NPAS3: variants seen among roughly 807,000 people sequenced by gnomAD.
The protein encoded by NPAS3 is neuronal PAS domain protein 3.
NPAS3 carries 14 observed loss-of-function variants against 73.1 expected under a neutral mutation model. The ratio of observed to expected loss-of-function variants is 0.19; its 90% confidence interval spans 0.13 to 0.30. The LOEUF is 0.30. Among genes scored for constraint, NPAS3 ranks in the 10% least tolerant of loss-of-function variants. The pLI, the probability that NPAS3 is intolerant of heterozygous loss-of-function variation, is 1.00. For missense variants in NPAS3, 1,096 were observed against 1,250.0 expected (o/e 0.88, Z 1.86); for synonymous variants, 620 against 541.5 (o/e 1.14, Z -2.01).
At chr14:33,792,071 T>C (rs537761765) in intron 9 of NPAS3, among the ~76,000 whole-genome samples, 2 of 152,308 alleles carry the variant, frequency 1.3e-5, no homozygotes, top group East Asian at 3.9e-4. Context: ...GCACATCTTG[T>C]TGCATGCAAC....
At position 33,372,722 on chromosome 14, in the gene NPAS3, T is replaced by A. The variant is rs947007928; in HGVS notation, c.468+5454T>A. On this transcript the variant is annotated intron_variant, in intron 4 of 11. Coordinates refer to ENST00000356141, the Ensembl canonical transcript of NPAS3. ...GCAGGGCTGTGAATCCCAGCCCTAG[T>A]GGGCCTGAATCAAGGCATTATAGTT... Among the ~76,000 whole-genome samples the A allele has an allele frequency of 6.6e-5, 10 of 152,222 alleles. 1 individual carries two copies. Among genetic ancestry groups the A allele is most frequent in the African/African-American group, 2.4e-4 (10 of 41,468 alleles).
intron 5 of NPAS3, among the ~76,000 whole-genome samples, chr14:33,649,463 T>TAACAA (rs1194194653): frequency 6.6e-6 from 1 of 152,268 alleles, no homozygotes; most frequent in African/African-American, 2.4e-5. Flanking sequence ...GTAACAAATG[T>TAACAA]ATAAAAGATG....
At chr14:33,185,464 A>C (rs908005101) in intron 2 of NPAS3, among the ~76,000 whole-genome samples, 6 of 152,202 alleles carry the variant, frequency 3.9e-5, no homozygotes, top group African/African-American at 1.4e-4. Context: ...AAACCGAATC[A>C]TGCTTTCCAA....
intron 2 of NPAS3, among the ~76,000 whole-genome samples, chr14:33,095,700 G>A (rs1017665467): frequency 1.6e-5 from 2 of 122,800 alleles, no homozygotes; most frequent in African/African-American, 6.4e-5. Flanking sequence ...AGGGAGTCTC[G>A]CTCTGTCGCC....
chr14:33,170,570 A>G (rs2045352302), intron 2 of NPAS3, among the ~76,000 whole-genome samples: 2 of 152,376 alleles, frequency 1.3e-5, no homozygotes, highest in South Asian at 4.1e-4. Context: ...AACTTCTATC[A>G]AAATTGTAGG....
chr14:33,233,447 A>C (rs948193325), intron 3 of NPAS3, among the ~76,000 whole-genome samples: 5 of 152,152 alleles, frequency 3.3e-5, no homozygotes, highest in African/African-American at 1.2e-4. Context: ...AAGCTCTTAC[A>C]TGTAGGTCAT....
At chr14:33,766,488 C>T (rs2062467291) in intron 7 of NPAS3, among the ~76,000 whole-genome samples, 1 of 152,146 alleles carries the variant, frequency 6.6e-6, no homozygotes, top group Non-Finnish European at 1.5e-5. Context: ...TTCTACCAGC[C>T]TTCGTTCCTA....
intron 4 of NPAS3, among the ~76,000 whole-genome samples, chr14:33,505,677 A>T (rs533732076): frequency 5.9e-5 from 9 of 152,166 alleles, no homozygotes; most frequent in African/African-American, 1.9e-4. Flanking sequence ...AAAACCGGAA[A>T]AAAAGAACAG....
At chr14:32,989,411 G>A (rs367628384) in intron 1 of NPAS3, among the ~76,000 whole-genome samples, 23 of 152,306 alleles carry the variant, frequency 1.5e-4, no homozygotes, top group African/African-American at 4.8e-4. Context: ...TTGGGAGGCC[G>A]AGGCGGGCGG....
chr14:33,044,688 T>A lies in NPAS3; in HGVS notation c.51-11217T>A, dbSNP rs1313703826. 1.4e-5 allele frequency among the ~76,000 whole-genome samples: 2 copies of A among 145,208 alleles called. 1 individual carries two copies. The highest frequency in any genetic ancestry group is 4.0e-4 in the East Asian group (2 of 4,944). ...TTTTTTGGCGGGGAGGGCAGAAGAG[T>A]AAACCCATTGAAATGACCTGTGATG... On this transcript the variant is annotated intron_variant, in intron 1 of 11. Coordinates refer to ENST00000356141, the Ensembl canonical transcript of NPAS3.
chr14:33,778,135 G>C (rs1446931391), intron 8 of NPAS3, among the ~76,000 whole-genome samples: 1 of 152,078 alleles, frequency 6.6e-6, no homozygotes, highest in Non-Finnish European at 1.5e-5. Flanking sequence ...AATTATCTTG[G>C]CCTGTAATGA....
chr14:33,546,189 C>A (rs191724987), intron 4 of NPAS3, among the ~76,000 whole-genome samples: 4 of 152,256 alleles, frequency 2.6e-5, no homozygotes, highest in Admixed American at 2.6e-4. Flanking sequence ...TTGTGAGAAC[C>A]CTGGAAAGAC....
At chr14:33,718,784 G>T (rs533568431) in intron 6 of NPAS3, among the ~76,000 whole-genome samples, 2 of 152,060 alleles carry the variant, frequency 1.3e-5, no homozygotes, top group African/African-American at 4.8e-5. Flanking sequence ...TACGCCCTTC[G>T]TAGGGAAAAG....
At chr14:33,248,539 GGA>G (rs1159307269) in intron 3 of NPAS3, among the ~76,000 whole-genome samples, 3 of 152,142 alleles carry the variant, frequency 2.0e-5, no homozygotes, top group African/African-American at 7.2e-5. Context: ...TATAGGCTCA[GGA>G]GAGTCTTTCT....
chr14:33,264,200 C>T (rs561131054), intron 3 of NPAS3, among the ~76,000 whole-genome samples: 1 of 151,926 alleles, frequency 6.6e-6, no homozygotes, highest in Non-Finnish European at 1.5e-5. Context: ...CATGTTCTCA[C>T]TCATAGGTGA....
chr14:33,801,850 T>C (rs1373363031), downstream of NPAS3: 3 of 152,006 alleles, frequency 2.0e-5, no homozygotes, highest in African/African-American at 7.3e-5. Flanking sequence ...GCTCCTGGGC[T>C]GGGTTTTGGG....
At chr14:33,358,750 G>T (rs1566829125) in intron 3 of NPAS3, among the ~76,000 whole-genome samples, 1 of 152,322 alleles carries the variant, frequency 6.6e-6, no homozygotes, top group East Asian at 1.9e-4. Context: ...AGCACAGATA[G>T]GGGCTCAACA....
At chr14:33,018,440 T>C (rs28485340) in intron 1 of NPAS3, among the ~76,000 whole-genome samples, 28,799 of 152,006 alleles carry the variant, frequency 0.19, 4,191 homozygotes, top group African/African-American at 0.41. Context: ...GGCAGGACTT[T>C]CTGAGAGATA....
At chr14:33,643,388 A>AC (rs1399276064) in intron 5 of NPAS3, among the ~76,000 whole-genome samples, 6 of 147,096 alleles carry the variant, frequency 4.1e-5, no homozygotes, top group Middle Eastern at 3.5e-3. Context: ...AAAAAAAAAA[A>AC]AAAAAAAAAA....
Sources: gnomAD v4.1 joint callset for allele counts (sites outside exome capture counted in the v4.1 genomes callset) on GRCh38, gnomAD v4.1.1 for gene constraint, MANE v1.5 for transcripts, NCBI Gene and HGNC (gene_info 2026-07-23, HGNC 2026-07-21) for gene names.